TAFA5: variants seen among roughly 807,000 people sequenced by gnomAD.
The protein encoded by TAFA5 is chemokine-like protein TAFA-5.
TAFA5 carries 6 observed loss-of-function variants against 15.3 expected under a neutral mutation model. That is an observed-to-expected ratio of 0.39 (90% CI 0.21 to 0.77). The LOEUF is 0.77. Among genes scored for constraint, TAFA5 ranks in the 30% least tolerant of loss-of-function variants. TAFA5 has a pLI of 0.41. For missense variants in TAFA5, 161 were observed against 193.1 expected, an observed-to-expected ratio of 0.83 and a Z score of 0.98; for synonymous variants, 103 against 80.7, an observed-to-expected ratio of 1.28 and a Z score of -1.48.
At chr22:48,592,579 G>A (rs912740822) in intron 1 of TAFA5, among the ~76,000 whole-genome samples, 5 of 152,130 alleles carry the variant, frequency 3.3e-5, no homozygotes, top group African/African-American at 7.2e-5. Context: ...GGGCACTGTC[G>A]TTTCTCTTTT....
chr22:48,665,425 G>A (rs918031636), intron 2 of TAFA5, among the ~76,000 whole-genome samples: 3 of 152,144 alleles, frequency 2.0e-5, no homozygotes, highest in South Asian at 2.1e-4. Flanking sequence ...CTTCCAGGTC[G>A]TGTGTTTTGC....
chr22:48,620,601 A>ATCCACCCACCCCCCATCC (rs1555893262), intron 1 of TAFA5, among the ~76,000 whole-genome samples: 5 of 16,778 alleles, frequency 3.0e-4, no homozygotes, highest in East Asian at 2.9e-3. Flanking sequence ...CCACCCCCCT[A>ATCCACCCACCCCCCATCC]CCCATCCTAT....
At chr22:48,585,424 A>G (rs1924312726) in intron 1 of TAFA5, among the ~76,000 whole-genome samples, 1 of 149,688 alleles carries the variant, frequency 6.7e-6, no homozygotes, top group African/African-American at 2.5e-5. Flanking sequence ...CACACACACA[A>G]CACATCACAC....
chr22:48,535,935 T>G (rs1365499833), intron 1 of TAFA5, among the ~76,000 whole-genome samples: 8 of 152,230 alleles, frequency 5.3e-5, no homozygotes, highest in Admixed American at 4.6e-4. Flanking sequence ...GTGAGCACAC[T>G]GCACACACAT....
At chr22:48,615,813 C>T (rs28483583) in intron 1 of TAFA5, among the ~76,000 whole-genome samples, 87,876 of 152,034 alleles carry the variant, frequency 0.58, 25,894 homozygotes, top group East Asian at 0.77. Flanking sequence ...AGCTCCTGTC[C>T]GCAGAGAACC....
intron 1 of TAFA5, among the ~76,000 whole-genome samples, chr22:48,583,896 C>T (rs1445782730): frequency 6.8e-6 from 1 of 147,508 alleles, no homozygotes; most frequent in Non-Finnish European, 1.5e-5. Context: ...ACGCCACACA[C>T]CACACAAAAT....
intron 1 of TAFA5, among the ~76,000 whole-genome samples, chr22:48,600,622 A>G (rs1293219746): frequency 6.6e-6 from 1 of 152,030 alleles, no homozygotes; most frequent in Non-Finnish European, 1.5e-5. Flanking sequence ...CTTCCATTTC[A>G]TTTTCTCTGG....
At chr22:48,612,625 C>T (rs888297676) in intron 1 of TAFA5, among the ~76,000 whole-genome samples, 2 of 152,144 alleles carry the variant, frequency 1.3e-5, no homozygotes, top group African/African-American at 4.8e-5. Context: ...GTCTCCCGTT[C>T]CCCGCGTGTC....
intron 1 of TAFA5, among the ~76,000 whole-genome samples, chr22:48,521,996 T>G (rs1478597329): frequency 2.0e-5 from 3 of 152,212 alleles, no homozygotes; most frequent in African/African-American, 4.8e-5. Flanking sequence ...GTGCCCACCC[T>G]CCGGATGGGG....
intron 2 of TAFA5, among the ~76,000 whole-genome samples, chr22:48,686,083 A>C: frequency 6.6e-6 from 1 of 152,154 alleles, no homozygotes. Flanking sequence ...TGGGGTCAGC[A>C]CAGGTGGCCA....
chr22:48,723,379 G>A (rs1929625951), intron 3 of TAFA5, among the ~76,000 whole-genome samples: 1 of 152,106 alleles, frequency 6.6e-6, no homozygotes, highest in African/African-American at 2.4e-5. Flanking sequence ...ATGGCGGGTG[G>A]CACAGGTCCT....
chr22:48,505,858 G>A (rs1168664795), intron 1 of TAFA5, among the ~76,000 whole-genome samples: 1 of 152,202 alleles, frequency 6.6e-6, no homozygotes, highest in Non-Finnish European at 1.5e-5. Flanking sequence ...AATCTGCAAA[G>A]GGAAAGGGCT....
At chr22:48,591,013 A>G (rs898671219) in intron 1 of TAFA5, among the ~76,000 whole-genome samples, 1 of 151,976 alleles carries the variant, frequency 6.6e-6, no homozygotes, top group African/African-American at 2.4e-5. Flanking sequence ...CACCACGCCC[A>G]GCTAATTTTT....
intron 1 of TAFA5, among the ~76,000 whole-genome samples, chr22:48,579,639 C>T (rs1923959035): frequency 2.0e-5 from 3 of 152,322 alleles, no homozygotes; most frequent in Middle Eastern, 6.8e-3. Context: ...AAAATATTTT[C>T]CACCTCCCTC....
At chr22:48,669,447 G>C (rs186862957) in intron 2 of TAFA5, among the ~76,000 whole-genome samples, 2 of 152,368 alleles carry the variant, frequency 1.3e-5, no homozygotes, top group Admixed American at 1.3e-4. Context: ...TAGAAGGTCA[G>C]GTGCCCATGT....
At chr22:48,693,119 AG>A in intron 2 of TAFA5, 1 of 644,220 alleles carries the variant, frequency 1.6e-6, no homozygotes, top group Non-Finnish European at 2.6e-6. Flanking sequence ...TCGGATTCCC[AG>A]TAGCTGAGCG....
rs974139323 is a variant in TAFA5 at position 48,749,965 on chromosome 22, G to A, written c.*118G>A. The stretch of plus-strand genomic sequence containing the variant: ...CCGTTCTCTGCCGCCCGCCCACTCC[G>A]TTTCCCTGTGGTCCGTGAAGGACGG... On this transcript the variant is annotated 3_prime_UTR_variant, in exon 4 of 4. Coordinates refer to ENST00000402357, the MANE Select transcript of TAFA5 (RefSeq NM_001082967.3). The A allele has an allele frequency of 1.7e-5, 17 of 1,015,150 alleles. No individual in the cohort carries two copies. The highest frequency in any genetic ancestry group is 4.2e-5 in the South Asian group (3 of 71,566). The allele number at this position is 1,015,150 out of a possible 1,614,324, so 62.9% of individuals were successfully genotyped here.
intron 2 of TAFA5, among the ~76,000 whole-genome samples, chr22:48,691,204 G>A (rs1302063065): frequency 6.6e-6 from 1 of 152,220 alleles, no homozygotes; most frequent in East Asian, 1.9e-4. Context: ...GCTGGCTCGG[G>A]TGCGAGGTGC....
At chr22:48,577,057 C>T (rs1012367989) in intron 1 of TAFA5, among the ~76,000 whole-genome samples, 2 of 152,200 alleles carry the variant, frequency 1.3e-5, no homozygotes, top group Admixed American at 1.3e-4. Context: ...CACCTGTTCC[C>T]CAGGGCCCAA....
Sources: gnomAD v4.1 joint callset for allele counts (sites outside exome capture counted in the v4.1 genomes callset) on GRCh38, gnomAD v4.1.1 for gene constraint, MANE v1.5 for transcripts, NCBI Gene and HGNC (gene_info 2026-07-23, HGNC 2026-07-21) for gene names.